The following WDFY3 variants were observed in gnomAD, a reference collection of about 807,000 sequenced individuals.
WDFY3 encodes the protein WD repeat and FYVE domain containing 3.
A neutral mutation model predicts 409.6 loss-of-function variants in WDFY3; 66 were observed. The ratio of observed to expected loss-of-function variants is 0.16; its 90% CI spans 0.13 to 0.20. The LOEUF is 0.20. Among genes scored for constraint, WDFY3 ranks in the 10% least tolerant of loss-of-function variants. The pLI is 1.00. For missense variants in WDFY3, 3,031 were observed against 4,298.1 expected, an observed-to-expected ratio of 0.71 and a Z score of 8.24; for synonymous variants, 1,521 against 1,537.1, an observed-to-expected ratio of 0.99 and a Z score of 0.25.
intron 32 of WDFY3, among the ~76,000 whole-genome samples, chr4:84,757,984 T>C (rs1213795339): frequency 6.6e-6 from 1 of 152,210 alleles, no homozygotes; most frequent in Non-Finnish European, 1.5e-5. Flanking sequence ...GAATTCCCTC[T>C]AGAAACCCAG....
At chr4:84,782,926 T>C in intron 25 of WDFY3, 37 bp downstream of exon 25, 1 of 1,593,380 alleles carries the variant, frequency 6.3e-7, no homozygotes, top group Non-Finnish European at 8.6e-7. Flanking sequence ...TGATGGCAAA[T>C]AAAGAAGTTT....
chr4:84,877,286 A>G (rs2150364547), intron 3 of WDFY3, among the ~76,000 whole-genome samples: 1 of 152,202 alleles, frequency 6.6e-6, no homozygotes, highest in South Asian at 2.1e-4. Context: ...CCAGATGATT[A>G]TGAATCATCC....
chr4:84,832,609 T>C (rs1755907469), intron 7 of WDFY3, among the ~76,000 whole-genome samples: 1 of 152,184 alleles, frequency 6.6e-6, no homozygotes, highest in African/African-American at 2.4e-5. Flanking sequence ...CCTATAAATA[T>C]ATGCAATTAT....
chr4:84,765,156 T>A (rs1393958383), intron 32 of WDFY3, among the ~76,000 whole-genome samples: 1 of 152,184 alleles, frequency 6.6e-6, no homozygotes, highest in Admixed American at 6.5e-5. Flanking sequence ...AAAGACAGTA[T>A]CTTCAAATAT....
At chr4:84,913,164 G>A (rs1768015636) in intron 2 of WDFY3, among the ~76,000 whole-genome samples, 1 of 152,060 alleles carries the variant, frequency 6.6e-6, no homozygotes, top group Non-Finnish European at 1.5e-5. Flanking sequence ...CTCTAACTCA[G>A]CCTCTAAATA....
At chr4:84,847,601 C>CT (rs1758255857) in intron 5 of WDFY3, among the ~76,000 whole-genome samples, 1 of 113,628 alleles carries the variant, frequency 8.8e-6, no homozygotes, top group African/African-American at 3.5e-5. Flanking sequence ...CCCGTCTCTA[C>CT]TAAAAAAAAA....
intron 5 of WDFY3, among the ~76,000 whole-genome samples, chr4:84,841,578 A>G (rs1447983252): frequency 6.6e-6 from 1 of 152,216 alleles, no homozygotes; most frequent in Non-Finnish European, 1.5e-5. Flanking sequence ...AGGAAGTAGG[A>G]GTGATTAAGG....
chr4:84,831,200 A>G (rs1755675869), intron 8 of WDFY3, among the ~76,000 whole-genome samples: 1 of 151,940 alleles, frequency 6.6e-6, no homozygotes, highest in East Asian at 1.9e-4. Context: ...AAAAAAAAAA[A>G]AAGAAATATC....
chr4:84,798,350 T>C (rs150862791), intron 17 of WDFY3, among the ~76,000 whole-genome samples: 2,291 of 152,234 alleles, frequency 0.015, 19 homozygotes, highest in Middle Eastern at 0.027. Flanking sequence ...TTATAATTCA[T>C]AAACCAAACA....
Position 84,672,789 on chromosome 4 carries a change from T to C in WDFY3, c.*79A>G. On this transcript the variant is annotated 3_prime_UTR_variant, in exon 68 of 68. Coordinates refer to ENST00000295888, the MANE Select transcript of WDFY3 (RefSeq NM_014991.6). Reference sequence around the variant, plus strand: ...GAAGAGATGTGTAAACGGAGACTGTTTTCAATGCCTTCCAAGCTGGGACAG... The same window carrying C: ...GAAGAGATGTGTAAACGGAGACTGTCTTCAATGCCTTCCAAGCTGGGACAG... The C allele has an allele frequency of 1.3e-6, 2 of 1,575,880 alleles. No individual in the cohort carries two copies. The highest frequency in any genetic ancestry group is 1.7e-6 in the Non-Finnish European group (2 of 1,162,868).
chr4:84,730,932 G>T (rs1736494882), intron 44 of WDFY3, among the ~76,000 whole-genome samples: 1 of 152,008 alleles, frequency 6.6e-6, no homozygotes. Context: ...CGAGTAGCTG[G>T]GATTACAGGC....
At chr4:84,807,695 C>T (rs560540826) in intron 15 of WDFY3, among the ~76,000 whole-genome samples, 1 of 152,240 alleles carries the variant, frequency 6.6e-6, no homozygotes, top group African/African-American at 2.4e-5. Flanking sequence ...TTTTAAAAAA[C>T]TGAGTAGAAT....
At chr4:84,759,943 T>C (rs1399053082) in intron 32 of WDFY3, among the ~76,000 whole-genome samples, 11 of 151,364 alleles carry the variant, frequency 7.3e-5, no homozygotes, top group Non-Finnish European at 1.3e-4. Context: ...TGTGGGTTTG[T>C]CATAGATAGC....
chr4:84,704,570 G>T, intron 54 of WDFY3, 126 bp from the exon 55 acceptor site: 3 of 633,062 alleles, frequency 4.7e-6, no homozygotes, highest in Non-Finnish European at 7.8e-6. Context: ...AATTAGTACT[G>T]GCATTTGCAG....
At chr4:84,757,545 A>G (rs1741673912) in intron 32 of WDFY3, among the ~76,000 whole-genome samples, 1 of 152,170 alleles carries the variant, frequency 6.6e-6, no homozygotes, top group African/African-American at 2.4e-5. Flanking sequence ...TTAGAATGCT[A>G]CAAAAACATA....
intron 24 of WDFY3, 67 bp downstream of exon 24, chr4:84,785,912 T>G: frequency 6.4e-7 from 1 of 1,564,244 alleles, no homozygotes; most frequent in Non-Finnish European, 8.7e-7. Flanking sequence ...GTAGTATCCA[T>G]ATGAGACTCT....
At chr4:84,776,119 C>T (rs892912164) in intron 27 of WDFY3, among the ~76,000 whole-genome samples, 2 of 151,726 alleles carry the variant, frequency 1.3e-5, no homozygotes, top group African/African-American at 2.4e-5. Context: ...TACAAACTAT[C>T]GTAGGGATTA....
intron 5 of WDFY3, among the ~76,000 whole-genome samples, chr4:84,843,233 A>G (rs1233965497): frequency 6.6e-6 from 1 of 152,222 alleles, no homozygotes; most frequent in African/African-American, 2.4e-5. Flanking sequence ...TGAATGATAC[A>G]GGGAGATTCC....
At chr4:84,863,642 C>A (rs1156531684) in intron 3 of WDFY3, among the ~76,000 whole-genome samples, 1 of 152,172 alleles carries the variant, frequency 6.6e-6, no homozygotes, top group African/African-American at 2.4e-5. Flanking sequence ...TCATGAGGCT[C>A]TCCCTGTTTT....
Sources: allele counts gnomAD v4.1 joint callset (sites outside exome capture counted in the v4.1 genomes callset), GRCh38; gene constraint gnomAD v4.1.1; transcripts MANE v1.5; gene names NCBI Gene and HGNC (gene_info 2026-07-23, HGNC 2026-07-21).